CREB5: variants seen among roughly 807,000 people sequenced by gnomAD.
CREB5 encodes cAMP responsive element binding protein 5, also known as cyclic AMP-responsive element-binding protein 5.
In CREB5, 19 loss-of-function variants were observed where a neutral mutation model predicts 57.1. The observed-to-expected ratio is 0.33, with a 90% CI of 0.23 to 0.49. The LOEUF (loss-of-function observed/expected upper bound fraction) is 0.49. Among genes scored for constraint, CREB5 ranks in the 20% least tolerant of loss-of-function variants. The pLI, the probability that CREB5 is intolerant of heterozygous loss-of-function variation, is 0.99. For missense variants in CREB5, 579 were observed against 671.6 expected, an observed-to-expected ratio of 0.86 and a Z score of 1.52; for synonymous variants, 238 against 238.3, an observed-to-expected ratio of 1.00 and a Z score of 0.01.
intron 4 of CREB5, among the ~76,000 whole-genome samples, chr7:28,533,812 G>A (rs941862299): frequency 1.3e-5 from 2 of 152,152 alleles, no homozygotes; most frequent in Non-Finnish European, 2.9e-5. Flanking sequence ...AGCTCTTGAG[G>A]GGAATCATCC....
At chr7:28,673,790 C>T (rs1396143834) in intron 5 of CREB5, among the ~76,000 whole-genome samples, 1 of 150,452 alleles carries the variant, frequency 6.6e-6, no homozygotes, top group Non-Finnish European at 1.5e-5. Context: ...CCTCCCTACT[C>T]AGCCTCCCAA....
At chr7:28,410,682 T>A (rs992922817), upstream of CREB5, 9 of 392,064 alleles carry the variant, frequency 2.3e-5, no homozygotes, top group African/African-American at 1.9e-4. Flanking sequence ...GTCTGCAGAA[T>A]GTGTTTGATT....
At chr7:28,623,294 C>A (rs969211680) in intron 5 of CREB5, among the ~76,000 whole-genome samples, 1 of 152,210 alleles carries the variant, frequency 6.6e-6, no homozygotes, top group African/African-American at 2.4e-5. Context: ...CATAGATGTA[C>A]CATGTACAGT....
intron 5 of CREB5, among the ~76,000 whole-genome samples, chr7:28,598,973 A>T (rs1279502493): frequency 6.6e-6 from 1 of 152,184 alleles, no homozygotes; most frequent in Non-Finnish European, 1.5e-5. Context: ...TTCCCAACTC[A>T]GTATGTTCTG....
intron 7 of CREB5, among the ~76,000 whole-genome samples, chr7:28,796,827 C>A (rs927744162): frequency 6.6e-6 from 1 of 152,186 alleles, no homozygotes; most frequent in Non-Finnish European, 1.5e-5. Flanking sequence ...AAGTGGTTTA[C>A]TTCTCTAAGG....
intron 1 of CREB5, among the ~76,000 whole-genome samples, chr7:28,317,439 G>A (rs1054193623): frequency 6.6e-6 from 1 of 152,198 alleles, no homozygotes; most frequent in Non-Finnish European, 1.5e-5. Context: ...AGGGGAAGAG[G>A]CATCTTCCTA....
chr7:28,805,848 A>G (rs866730861), intron 8 of CREB5, among the ~76,000 whole-genome samples: 1 of 152,210 alleles, frequency 6.6e-6, no homozygotes, highest in African/African-American at 2.4e-5. Context: ...TCTTATGAGT[A>G]TTAAATAAGA....
intron 5 of CREB5, among the ~76,000 whole-genome samples, chr7:28,673,696 C>T (rs537790260): frequency 5.3e-4 from 54 of 101,204 alleles, no homozygotes; most frequent in African/African-American, 1.8e-3. Flanking sequence ...TGGAGACATT[C>T]GAGTCTCGCT....
At chr7:28,743,989 A>C (rs1583655672) in intron 7 of CREB5, among the ~76,000 whole-genome samples, 1 of 110,514 alleles carries the variant, frequency 9.0e-6, no homozygotes. Context: ...TCCCAATGCT[A>C]TCCCTCCCCC....
chr7:28,590,871 A>G (rs987668633), intron 5 of CREB5, among the ~76,000 whole-genome samples: 3 of 152,156 alleles, frequency 2.0e-5, no homozygotes, highest in Non-Finnish European at 4.4e-5. Flanking sequence ...GCATATAGCA[A>G]AAGTCCTCAA....
intron 5 of CREB5, among the ~76,000 whole-genome samples, chr7:28,700,426 C>T (rs946246266): frequency 1.1e-4 from 16 of 152,296 alleles, no homozygotes; most frequent in South Asian, 2.1e-4. Context: ...ATGATGAATT[C>T]CTGCAGGGCA....
At chr7:28,529,941 G>A (rs1180821602) in intron 4 of CREB5, among the ~76,000 whole-genome samples, 2 of 152,164 alleles carry the variant, frequency 1.3e-5, no homozygotes, top group Non-Finnish European at 2.9e-5. Context: ...CCTACTATTT[G>A]CCAGATATCT....
chr7:28,705,826 C>G (rs1802078877), intron 5 of CREB5, among the ~76,000 whole-genome samples: 1 of 152,190 alleles, frequency 6.6e-6, no homozygotes, highest in African/African-American at 2.4e-5. Flanking sequence ...CCCCTTGTGG[C>G]TTTTAAGTAA....
intron 3 of CREB5, among the ~76,000 whole-genome samples, chr7:28,495,413 G>A (rs996734251): frequency 6.6e-6 from 1 of 151,940 alleles, no homozygotes; most frequent in Non-Finnish European, 1.5e-5. Context: ...ATGGTGGGAT[G>A]CACCTGCAAT....
At chr7:28,685,799 T>C (rs2128726899) in intron 5 of CREB5, among the ~76,000 whole-genome samples, 1 of 152,074 alleles carries the variant, frequency 6.6e-6, no homozygotes, top group South Asian at 2.1e-4. Context: ...CGGCACTGTT[T>C]CCCCCTTTGT....
intron 1 of CREB5, among the ~76,000 whole-genome samples, chr7:28,453,638 C>T (rs945924267): frequency 6.6e-6 from 1 of 152,200 alleles, no homozygotes; most frequent in African/African-American, 2.4e-5. Context: ...TCCTTGCCCA[C>T]TAAAGGCCCA....
chr7:28,424,024 G>A (rs1195051890), intron 1 of CREB5, among the ~76,000 whole-genome samples: 2 of 152,166 alleles, frequency 1.3e-5, no homozygotes, highest in Admixed American at 1.3e-4. Flanking sequence ...GGCAGGGTTG[G>A]TTCCTTCCCA....
chr7:28,410,569 A>G (rs559800150), upstream of CREB5: 11 of 455,744 alleles, frequency 2.4e-5, no homozygotes, highest in South Asian at 1.7e-4. Context: ...CCTTGTCCAC[A>G]CTCTCACCCC....
At chr7:28,666,396 C>A (rs1799824835) in intron 5 of CREB5, among the ~76,000 whole-genome samples, 1 of 152,258 alleles carries the variant, frequency 6.6e-6, no homozygotes, top group Middle Eastern at 3.4e-3. Context: ...TCCAAAGAAA[C>A]CCTGGAGGTG....
Sources: allele counts gnomAD v4.1 joint callset (sites outside exome capture counted in the v4.1 genomes callset), GRCh38; gene constraint gnomAD v4.1.1; transcripts MANE v1.5; gene names NCBI Gene and HGNC (gene_info 2026-07-23, HGNC 2026-07-21).